ZSWIM5: variants seen among roughly 807,000 people sequenced by gnomAD.
The protein encoded by ZSWIM5 is zinc finger SWIM-type containing 5, also known as zinc finger SWIM domain-containing protein 5.
A neutral mutation model predicts 119.6 loss-of-function variants in ZSWIM5; 55 were observed. That is an observed-to-expected ratio of 0.46 (90% confidence interval 0.37 to 0.58). The LOEUF (loss-of-function observed/expected upper bound fraction) is 0.58, where lower values mean the gene tolerates loss of function less well. Among genes scored for constraint, ZSWIM5 ranks in the 20% least tolerant of loss-of-function variants. The pLI is 0.00. For missense variants in ZSWIM5, 1,193 were observed against 1,512.8 expected (o/e 0.79, Z 3.51); for synonymous variants, 537 against 606.9 (o/e 0.88, Z 1.69).
chr1:45,161,841 C>T (rs921378437), intron 1 of ZSWIM5, among the ~76,000 whole-genome samples: 7 of 152,150 alleles, frequency 4.6e-5, no homozygotes, highest in Non-Finnish European at 1.0e-4. Context: ...TACTAATAAA[C>T]ACAGCTTACT....
chr1:45,194,416 A>G (rs1231751153), intron 1 of ZSWIM5, among the ~76,000 whole-genome samples: 1 of 152,204 alleles, frequency 6.6e-6, no homozygotes. Context: ...TGAAGATAAC[A>G]AAAAGCTATT....
intron 1 of ZSWIM5, among the ~76,000 whole-genome samples, chr1:45,110,545 A>G (rs1054736255): frequency 6.6e-6 from 1 of 152,224 alleles, no homozygotes; most frequent in African/African-American, 2.4e-5. Flanking sequence ...AGGCAGCTGA[A>G]AGATAAAAAT....
intron 2 of ZSWIM5, among the ~76,000 whole-genome samples, chr1:45,076,003 A>G (rs1158141210): frequency 6.6e-6 from 1 of 152,006 alleles, no homozygotes; most frequent in Admixed American, 6.6e-5. Flanking sequence ...AAGAAACCTA[A>G]TAAAAACTCT....
chr1:45,173,247 C>A (rs1474393304), intron 1 of ZSWIM5, among the ~76,000 whole-genome samples: 2 of 152,088 alleles, frequency 1.3e-5, no homozygotes, highest in Non-Finnish European at 2.9e-5. Flanking sequence ...AATAGGTCCA[C>A]AACATATGAA....
chr1:45,033,126 C>T (rs1200196265), intron 11 of ZSWIM5, among the ~76,000 whole-genome samples: 1 of 152,260 alleles, frequency 6.6e-6, no homozygotes, highest in East Asian at 1.9e-4. Context: ...TGCACATTAT[C>T]AGATTTGTTT....
intron 4 of ZSWIM5, among the ~76,000 whole-genome samples, 161 bp downstream of exon 4, chr1:45,058,448 G>T (rs1645134980): frequency 6.6e-6 from 1 of 152,224 alleles, no homozygotes; most frequent in African/African-American, 2.4e-5. Context: ...AGCAACAAAA[G>T]TGAGTTCAGT....
Position 45,018,886 on chromosome 1 carries a change from C to T in ZSWIM5, c.3126G>A (p.Val1042=), listed in dbSNP as rs749748709. The change falls in exon 14 of 14, where the codon GTG becomes GTA. Residue 1042 remains valine, a synonymous_variant. Coordinates refer to ENST00000359600, the MANE Select transcript of ZSWIM5 (RefSeq NM_020883.2). This position sits in a 1 kb window ranked among gnomAD's most constrained non-coding sequence, Gnocchi z 6.7. ...AGTGGCTGAGAGCACAAGCCCAGAGCACATCATTGATGGCTGGGTGAGTAT... is the reference window on the plus strand; with the variant it reads ...AGTGGCTGAGAGCACAAGCCCAGAGTACATCATTGATGGCTGGGTGAGTAT... ...NQDTHPAIND[V]LWACALSHSL... The T allele has an allele frequency of 4.3e-6, 7 of 1,614,224 alleles. No individual in the cohort carries two copies. Among genetic ancestry groups the T allele is most frequent in the Non-Finnish European group, 5.9e-6 (7 of 1,180,034 alleles).
intron 1 of ZSWIM5, among the ~76,000 whole-genome samples, chr1:45,143,600 C>T (rs542386528): frequency 3.3e-5 from 5 of 150,900 alleles, no homozygotes; most frequent in East Asian, 1.9e-4. Context: ...TTTCTAATAT[C>T]GGGAATAAGG....
intron 12 of ZSWIM5, 103 bp from the exon 13 acceptor site, chr1:45,020,250 C>T (rs1233044254): frequency 2.2e-6 from 2 of 924,384 alleles, no homozygotes; most frequent in Non-Finnish European, 3.5e-6. Context: ...GTGCTTTAAA[C>T]AGTGGTCTCT....
chr1:45,070,584 G>A (rs1645216041), intron 2 of ZSWIM5, among the ~76,000 whole-genome samples: 2 of 152,138 alleles, frequency 1.3e-5, no homozygotes, highest in South Asian at 4.2e-4. Context: ...TTCATAGGTT[G>A]CAATATCTTT....
chr1:45,197,919 T>G (rs1646135652), intron 1 of ZSWIM5, among the ~76,000 whole-genome samples: 1 of 152,246 alleles, frequency 6.6e-6, no homozygotes, highest in Non-Finnish European at 1.5e-5. Flanking sequence ...CTTTATAAAA[T>G]GTATATGGGG....
chr1:45,061,022 T>C (rs1471040526), intron 2 of ZSWIM5, among the ~76,000 whole-genome samples: 1 of 152,204 alleles, frequency 6.6e-6, no homozygotes, highest in Admixed American at 6.5e-5. Context: ...TAGAGTTTCA[T>C]ACAGGGTGAT....
At chr1:45,181,567 G>C (rs1040747521) in intron 1 of ZSWIM5, among the ~76,000 whole-genome samples, 17 of 152,080 alleles carry the variant, frequency 1.1e-4, no homozygotes, top group African/African-American at 3.9e-4. Context: ...TTCAGATTCT[G>C]GAAATACAGA....
intron 1 of ZSWIM5, among the ~76,000 whole-genome samples, chr1:45,186,838 G>A (rs1317337489): frequency 2.0e-5 from 3 of 152,046 alleles, no homozygotes; most frequent in African/African-American, 7.2e-5. Flanking sequence ...TGATCTACCT[G>A]CCCTAGTCCT....
At chr1:45,103,515 T>C (rs776783733) in intron 1 of ZSWIM5, among the ~76,000 whole-genome samples, 14 of 152,228 alleles carry the variant, frequency 9.2e-5, no homozygotes, top group African/African-American at 1.2e-4. Flanking sequence ...GACTACAATA[T>C]ATTAAATATG....
rs200576390 is a variant in ZSWIM5 at position 45,030,801 on chromosome 1, T to TC, written c.2449+3510_2449+3511insG. ...TTGATTTATGTTTTCATTCTTTCTT[T>TC]TTTTTTTTTTTTTGAGATAGAGTCT... On this transcript the variant is annotated intron_variant, in intron 11 of 13. Transcript: ENST00000359600. 6.0e-3 allele frequency among the ~76,000 whole-genome samples: 891 copies of TC among 148,628 alleles called. 7 individuals are homozygous for TC. The highest frequency in any genetic ancestry group is 0.021 in the African/African-American group (848 of 40,634).
At chr1:45,143,279 C>T (rs140850647) in intron 1 of ZSWIM5, among the ~76,000 whole-genome samples, 6 of 151,450 alleles carry the variant, frequency 4.0e-5, no homozygotes, top group African/African-American at 7.3e-5. Context: ...AGTCCAGAAA[C>T]ATATACAAAG....
intron 1 of ZSWIM5, among the ~76,000 whole-genome samples, chr1:45,124,033 C>CA (rs985469895): frequency 1.3e-5 from 2 of 151,836 alleles, no homozygotes; most frequent in African/African-American, 2.4e-5. Flanking sequence ...AAAACAAAAA[C>CA]AAAAACCCTT....
intron 1 of ZSWIM5, among the ~76,000 whole-genome samples, chr1:45,146,482 C>T (rs1008754716): frequency 1.4e-5 from 2 of 140,368 alleles, no homozygotes; most frequent in Non-Finnish European, 3.0e-5. Flanking sequence ...TGCTCTCACC[C>T]AGGCTGGAGT....
Sources: gnomAD v4.1 joint callset for allele counts (sites outside exome capture counted in the v4.1 genomes callset) on GRCh38, gnomAD v4.1.1 for gene constraint, Gnocchi (gnomAD v3.1) non-coding constraint, MANE v1.5 for transcripts, NCBI Gene and HGNC (gene_info 2026-07-23, HGNC 2026-07-21) for gene names.